Variants in NR3C1 observed in about 807,000 individuals in gnomAD.
The protein encoded by NR3C1 is nuclear receptor subfamily 3 group C member 1, also known as glucocorticoid receptor.
NR3C1 carries 14 observed loss-of-function variants against 74.0 expected under a neutral mutation model. The ratio of observed to expected loss-of-function variants is 0.19; its 90% CI spans 0.12 to 0.30. The LOEUF (loss-of-function observed/expected upper bound fraction) is 0.30. NR3C1 is among the 10% of genes least tolerant of loss of function. The pLI is 1.00. For synonymous variants in NR3C1, 308 were observed against 332.5 expected (o/e 0.93, Z 0.80); for missense variants, 695 against 909.8 (o/e 0.76, Z 3.04).
chr5:143,385,570 G>A (rs10060545), intron 2 of NR3C1, among the ~76,000 whole-genome samples: 43,444 of 151,782 alleles, frequency 0.29, 6,420 homozygotes, highest in Middle Eastern at 0.32. Context: ...CTTCTGCCAC[G>A]AACTCTAAAT....
chr5:143,423,746 A>G (rs1481513719), intron 1 of NR3C1, among the ~76,000 whole-genome samples: 1 of 152,204 alleles, frequency 6.6e-6, no homozygotes, highest in African/African-American at 2.4e-5. Flanking sequence ...AAAATGTTGT[A>G]CATATACACA....
intron 1 of NR3C1, among the ~76,000 whole-genome samples, chr5:143,421,672 ATT>A (rs746833694): frequency 5.9e-4 from 90 of 152,056 alleles, no homozygotes; most frequent in Non-Finnish European, 1.1e-3. Flanking sequence ...CGTGCCTGTA[ATT>A]TCAGCCACTT....
At chr5:143,344,080 C>T (rs1828757770) in intron 2 of NR3C1, among the ~76,000 whole-genome samples, 1 of 151,876 alleles carries the variant, frequency 6.6e-6, no homozygotes, top group Non-Finnish European at 1.5e-5. Context: ...AGATGTAGCA[C>T]CTTTAAGTTA....
intron 2 of NR3C1, among the ~76,000 whole-genome samples, chr5:143,318,523 G>A (rs1346733454): frequency 1.3e-5 from 2 of 152,156 alleles, no homozygotes; most frequent in African/African-American, 4.8e-5. Flanking sequence ...TAATATAAAA[G>A]AGTCACATTT....
chr5:143,404,022 G>A, upstream of NR3C1: 12 of 985,472 alleles, frequency 1.2e-5, no homozygotes, highest in Non-Finnish European at 1.4e-5. Flanking sequence ...GGGCCACCGA[G>A]TTTCTCCAGT....
chr5:143,424,593 G>A (rs897021760), intron 1 of NR3C1, among the ~76,000 whole-genome samples: 5 of 152,130 alleles, frequency 3.3e-5, no homozygotes, highest in Non-Finnish European at 7.4e-5. Context: ...ACCCAGCAAT[G>A]AATTAGATGT....
intron 2 of NR3C1, among the ~76,000 whole-genome samples, chr5:143,349,873 G>A (rs1034068084): frequency 9.2e-5 from 14 of 152,228 alleles, no homozygotes; most frequent in East Asian, 1.9e-4. Context: ...CACCTGGTGC[G>A]GTGATGGTAC....
chr5:143,398,355 G>GT (rs374535827), intron 2 of NR3C1, among the ~76,000 whole-genome samples: 3 of 133,748 alleles, frequency 2.2e-5, no homozygotes, highest in Non-Finnish European at 4.9e-5. Context: ...AAGGTTTTTT[G>GT]GTTTTTTTTT....
At chr5:143,405,367 C>A (rs1561805223), upstream of NR3C1, 1 of 985,476 alleles carries the variant, frequency 1.0e-6, no homozygotes, top group Non-Finnish European at 1.2e-6. Flanking sequence ...GCGGCTCCCC[C>A]TGCTCTGACA....
intron 1 of NR3C1, among the ~76,000 whole-genome samples, chr5:143,419,608 T>C (rs1477945319): frequency 6.6e-6 from 1 of 152,132 alleles, no homozygotes; most frequent in Non-Finnish European, 1.5e-5. Context: ...AGCAAGTTTT[T>C]ATTAGGGACT....
chr5:143,289,311 A>T (rs1815310786), intron 7 of NR3C1, among the ~76,000 whole-genome samples: 1 of 152,146 alleles, frequency 6.6e-6, no homozygotes, highest in Non-Finnish European at 1.5e-5. Context: ...CACATATACA[A>T]ACAACTGATT....
chr5:143,431,286 G>A (rs1306558485), intron 1 of NR3C1, among the ~76,000 whole-genome samples: 1 of 152,154 alleles, frequency 6.6e-6, no homozygotes, highest in East Asian at 1.9e-4. Flanking sequence ...GCCCACCAAT[G>A]CACTGCAAAC....
chr5:143,412,906 A>T (rs150292450), intron 1 of NR3C1, among the ~76,000 whole-genome samples: 278 of 152,346 alleles, frequency 1.8e-3, no homozygotes, highest in African/African-American at 6.4e-3. Context: ...TCTTCTGATG[A>T]TTAGCTATTT....
At chr5:143,384,990 T>C (rs1265673310) in intron 2 of NR3C1, among the ~76,000 whole-genome samples, 2 of 152,216 alleles carry the variant, frequency 1.3e-5, no homozygotes, top group Admixed American at 6.5e-5. Flanking sequence ...GGCATTTCCA[T>C]ACATCCTGAA....
intron 2 of NR3C1, among the ~76,000 whole-genome samples, chr5:143,381,296 C>T (rs1489160001): frequency 6.6e-6 from 1 of 151,744 alleles, no homozygotes; most frequent in Non-Finnish European, 1.5e-5. Context: ...GAAGAGGACA[C>T]ACAAAAAAAG....
intron 2 of NR3C1, chr5:143,332,715 G>T (rs569367736): frequency 5.1e-6 from 8 of 1,582,658 alleles, no homozygotes; most frequent in African/African-American, 1.3e-5. Context: ...CAGACGACTA[G>T]AAGTGAAACC....
At chr5:143,372,479 A>C (rs1003378032) in intron 2 of NR3C1, among the ~76,000 whole-genome samples, 2 of 152,240 alleles carry the variant, frequency 1.3e-5, no homozygotes, top group Non-Finnish European at 2.9e-5. Context: ...GGTGGGAAGC[A>C]TAAAATTTAA....
chr5:143,361,692 T>C (rs1028604294), intron 2 of NR3C1, among the ~76,000 whole-genome samples: 1 of 152,204 alleles, frequency 6.6e-6, no homozygotes, highest in Non-Finnish European at 1.5e-5. Flanking sequence ...CTTGAAATAT[T>C]TGTCAGCTGC....
intron 2 of NR3C1, among the ~76,000 whole-genome samples, chr5:143,365,382 C>T (rs575361270): frequency 3.3e-5 from 5 of 152,158 alleles, no homozygotes; most frequent in African/African-American, 1.2e-4. Flanking sequence ...GCTGAAGTGG[C>T]TATACTAATA....
Sources: allele counts gnomAD v4.1 joint callset (sites outside exome capture counted in the v4.1 genomes callset), GRCh38; gene constraint gnomAD v4.1.1; transcripts MANE v1.5; gene names NCBI Gene and HGNC (gene_info 2026-07-23, HGNC 2026-07-21).